Variants in ZNF484 observed in about 807,000 individuals in gnomAD.
The protein encoded by ZNF484 is zinc finger protein 484.
ZNF484 carries 11 observed loss-of-function variants against 12.9 expected under a neutral mutation model. The ratio of observed to expected loss-of-function variants is 0.85; its 90% confidence interval spans 0.54 to 1.41. The LOEUF (loss-of-function observed/expected upper bound fraction) is 1.41, where lower values mean the gene tolerates loss of function less well. Ranked by LOEUF, ZNF484 falls within the 40% of genes most tolerant of loss-of-function variation. The pLI is 0.00. For missense variants in ZNF484, 807 were observed against 1,007.7 expected (o/e 0.80, Z 2.70); for synonymous variants, 289 against 334.1 (o/e 0.86, Z 1.47).
At chr9:92,874,478 A>C (rs964443659) in intron 2 of ZNF484, among the ~76,000 whole-genome samples, 3 of 151,912 alleles carry the variant, frequency 2.0e-5, no homozygotes, top group Admixed American at 1.3e-4. Flanking sequence ...CACCTGGCTA[A>C]TTTTTGTATT....
chr9:92,864,844 T>C (rs1245267959), intron 2 of ZNF484, among the ~76,000 whole-genome samples: 1 of 152,068 alleles, frequency 6.6e-6, no homozygotes, highest in Non-Finnish European at 1.5e-5. Flanking sequence ...TCACTAGATA[T>C]AGCAACAAAA....
At position 92,847,275 on chromosome 9, in the gene ZNF484, G is replaced by T; in HGVS notation, c.1512C>A (p.Ala504=). Residue 504 remains alanine (A), a synonymous_variant, in exon 5 of 5, where the codon GCC becomes GCA. Coordinates refer to ENST00000375495, the MANE Select transcript of ZNF484 (RefSeq NM_031486.4). ...TAATGAGATTTGACCTGTCAGTAAA[G>T]GCCTTACCACACACAGTACATATAT... ...RPYICTVCGK[A]FTDRSNLIKH... is the part of the protein sequence containing the mutation. 6.2e-7 allele frequency: 1 copy of T among 1,614,108 alleles called. No homozygotes were observed. Among genetic ancestry groups the T allele is most frequent in the Non-Finnish European group, 8.5e-7 (1 of 1,180,012 alleles).
rs76837981 is a variant in ZNF484, at chr9:92,860,710, C to T, written c.16-4392G>A. ...TTTGCCTTCTTCACAAACAATGTGA[C>T]TCCAAAGATGGTGGGGTGGAGCTCT... On this transcript the variant is annotated intron_variant, in intron 2 of 4. Coordinates refer to ENST00000375495, the MANE Select transcript of ZNF484 (RefSeq NM_031486.4). Among the ~76,000 whole-genome samples the T allele has an allele frequency of 3.3e-3, 498 of 151,976 alleles. 1 individual carries two copies. Among genetic ancestry groups the T allele is most frequent in the African/African-American group, 0.011 (466 of 41,460 alleles).
At chr9:92,849,869 A>G (rs1855960091) in intron 4 of ZNF484, among the ~76,000 whole-genome samples, 1 of 151,836 alleles carries the variant, frequency 6.6e-6, no homozygotes, top group South Asian at 2.1e-4. Flanking sequence ...TGGCATGATC[A>G]GAGCTCACTG....
rs1183541027 is a variant in ZNF484, at chr9:92,848,088, A to T, written c.699T>A (p.His233Gln). ...CECNQCGKPL[H>Q]HKQALIQQQK... is the part of the protein sequence containing the mutation. ...GTTGTTGAATGAGAGCTTGCTTATG[A>T]TGCAGAGGTTTCCCACATTGGTTAC... is the stretch of plus-strand genomic sequence containing the variant. The change falls in exon 5 of 5, where the codon CAT (histidine) becomes CAA (glutamine). Residue 233 changes from histidine to glutamine, a missense_variant. Coordinates refer to ENST00000375495, the MANE Select transcript of ZNF484 (RefSeq NM_031486.4). This position sits in a 1 kb window ranked among gnomAD's most constrained non-coding sequence, Gnocchi z 4.1. 2 of 1,614,098 alleles carry T rather than the reference A, an allele frequency of 1.2e-6. No homozygotes were observed. Among genetic ancestry groups the T allele is most frequent in the Non-Finnish European group, 1.7e-6 (2 of 1,180,040 alleles).
chr9:92,866,844 A>G (rs1328430085), intron 2 of ZNF484, among the ~76,000 whole-genome samples: 1 of 152,232 alleles, frequency 6.6e-6, no homozygotes, highest in African/African-American at 2.4e-5. Flanking sequence ...CTTTGCAGGG[A>G]CATGGATGAA....
chr9:92,869,747 T>C (rs1047439206), intron 2 of ZNF484, among the ~76,000 whole-genome samples: 21 of 152,246 alleles, frequency 1.4e-4, no homozygotes, highest in African/African-American at 5.1e-4. Flanking sequence ...TTTAGACATA[T>C]GAAAGTAAAC....
chr9:92,877,603 C>T (rs371463128), intron 1 of ZNF484, among the ~76,000 whole-genome samples: 3 of 152,244 alleles, frequency 2.0e-5, no homozygotes, highest in East Asian at 3.9e-4. Flanking sequence ...TCAGATCCCT[C>T]CTTAGTTCCC....
At chr9:92,872,713 T>C (rs530602221) in intron 2 of ZNF484, among the ~76,000 whole-genome samples, 1 of 152,220 alleles carries the variant, frequency 6.6e-6, no homozygotes, top group Non-Finnish European at 1.5e-5. Flanking sequence ...TACTGCCCTC[T>C]TGACACCTTG....
At chr9:92,851,669 CAT>C (rs1856095054) in intron 4 of ZNF484, among the ~76,000 whole-genome samples, 2 of 152,248 alleles carry the variant, frequency 1.3e-5, no homozygotes, top group African/African-American at 4.8e-5. Context: ...GACTAACACA[CAT>C]CTTTCCATTA....
At chr9:92,866,222 A>G (rs1188837526) in intron 2 of ZNF484, among the ~76,000 whole-genome samples, 2 of 152,230 alleles carry the variant, frequency 1.3e-5, no homozygotes, top group Non-Finnish European at 2.9e-5. Context: ...ATATGCATGT[A>G]TTACCTATTC....
intron 2 of ZNF484, among the ~76,000 whole-genome samples, chr9:92,861,166 A>C (rs1043176599): frequency 6.6e-6 from 1 of 152,236 alleles, no homozygotes; most frequent in Non-Finnish European, 1.5e-5. Flanking sequence ...CTCTAAACCT[A>C]AATGTGTTGA....
intron 4 of ZNF484, among the ~76,000 whole-genome samples, chr9:92,849,798 CTCTT>C (rs1000092652): frequency 2.0e-5 from 3 of 151,310 alleles, no homozygotes; most frequent in African/African-American, 2.4e-5. Context: ...CTCTCTCTCT[CTCTT>C]TTTTTTTTTT....
intron 2 of ZNF484, among the ~76,000 whole-genome samples, chr9:92,870,494 C>G (rs1375790210): frequency 6.6e-6 from 1 of 152,210 alleles, no homozygotes; most frequent in Non-Finnish European, 1.5e-5. Flanking sequence ...GGGGATGCCC[C>G]TCCACTGCAA....
intron 4 of ZNF484, among the ~76,000 whole-genome samples, chr9:92,851,284 C>T (rs1037067535): frequency 6.6e-6 from 1 of 152,136 alleles, no homozygotes; most frequent in African/African-American, 2.4e-5. Flanking sequence ...GCCCTTGGGC[C>T]AAATCCAGGC....
intron 4 of ZNF484, among the ~76,000 whole-genome samples, chr9:92,854,188 T>C (rs1420959463): frequency 6.6e-6 from 1 of 152,138 alleles, no homozygotes; most frequent in African/African-American, 2.4e-5. Context: ...AGTATTTTAT[T>C]AGGGAAATAC....
chr9:92,860,338 C>A (rs989876886), intron 2 of ZNF484, among the ~76,000 whole-genome samples: 9 of 152,142 alleles, frequency 5.9e-5, no homozygotes, highest in African/African-American at 1.2e-4. Flanking sequence ...CGCGGTGGCT[C>A]ACGCCTGTAA....
rs1478896732 is a variant in ZNF484, at chr9:92,847,929, T to G, written c.858A>C (p.Ala286=). Residue 286 remains alanine (A), a synonymous_variant, in exon 5 of 5, where the codon GCA becomes GCC. Coordinates refer to ENST00000375495, the MANE Select transcript of ZNF484 (RefSeq NM_031486.4). The part of the protein sequence containing the change: ...EKQHECHECE[A]VFTQKSQLDG... ...CAAGCTGGGACTTCTGAGTGAAGAC[T>G]GCCTCACATTCATGGCATTCATGCT... The G allele has an allele frequency of 6.2e-7, 1 of 1,614,236 alleles. No homozygotes were observed. The highest frequency in any genetic ancestry group is 8.5e-7 in the Non-Finnish European group (1 of 1,180,044).
intron 2 of ZNF484, among the ~76,000 whole-genome samples, chr9:92,860,528 C>T (rs576906524): frequency 2.0e-3 from 287 of 144,232 alleles, no homozygotes; most frequent in Middle Eastern, 3.8e-3. Context: ...GGCGTGAACC[C>T]GGGAGGCGGA....
Sources: allele counts gnomAD v4.1 joint callset (sites outside exome capture counted in the v4.1 genomes callset), GRCh38; gene constraint gnomAD v4.1.1; non-coding constraint Gnocchi (gnomAD v3.1); transcripts MANE v1.5; gene names NCBI Gene and HGNC (gene_info 2026-07-23, HGNC 2026-07-21).